KCNAB1: variants seen among roughly 807,000 people sequenced by gnomAD.
KCNAB1 encodes the protein potassium voltage-gated channel subfamily A regulatory beta subunit 1, also known as voltage-gated potassium channel subunit beta-1.
Under a neutral mutation model 64.6 loss-of-function variants are expected in KCNAB1, and 35 were observed. The observed-to-expected ratio is 0.54, with a 90% confidence interval of 0.41 to 0.72. The LOEUF (loss-of-function observed/expected upper bound fraction) is 0.72, where lower values mean the gene tolerates loss of function less well. KCNAB1 is among the 30% of genes least tolerant of loss of function. The pLI, the probability that KCNAB1 is intolerant of heterozygous loss-of-function variation, is 0.00. For missense variants in KCNAB1, 401 were observed against 512.9 expected (o/e 0.78, Z 2.11); for synonymous variants, 177 against 183.8 (o/e 0.96, Z 0.30).
At chr3:156,279,017 C>T (rs1719527523) in intron 1 of KCNAB1, among the ~76,000 whole-genome samples, 1 of 151,270 alleles carries the variant, frequency 6.6e-6, no homozygotes, top group African/African-American at 2.4e-5. Context: ...GCACATTGTG[C>T]AGGTTAGTTA....
chr3:156,148,006 G>A (rs962356324), intron 1 of KCNAB1, among the ~76,000 whole-genome samples: 1 of 146,728 alleles, frequency 6.8e-6, no homozygotes, highest in East Asian at 1.9e-4. Context: ...TGGAGATACT[G>A]CAGATCCAGC....
chr3:156,263,151 C>A (rs1412146849), intron 1 of KCNAB1, among the ~76,000 whole-genome samples: 1 of 151,546 alleles, frequency 6.6e-6, no homozygotes, highest in African/African-American at 2.4e-5. Flanking sequence ...TTCATTAATT[C>A]TTTTCTTTTA....
intron 1 of KCNAB1, among the ~76,000 whole-genome samples, chr3:156,275,176 C>T (rs1199044842): frequency 6.6e-6 from 1 of 152,142 alleles, no homozygotes; most frequent in African/African-American, 2.4e-5. Context: ...AGAAAATATT[C>T]CAATAAGTTT....
chr3:156,452,878 C>A lies in KCNAB1; in HGVS notation c.320-21C>A. On this transcript the variant is annotated intron_variant, in intron 2 of 13. Coordinates refer to ENST00000490337, the MANE Select transcript of KCNAB1 (RefSeq NM_172160.3). This position sits in a 1 kb window ranked among gnomAD's most constrained non-coding sequence, Gnocchi z 4.6. ...TAGAAAAATGATGATGAATAATATG[C>A]AAATATTTATTATTTTCTAGGAACA... 1 of 1,551,416 alleles carries A rather than the reference C, an allele frequency of 6.4e-7. No individual in the cohort carries two copies. The highest frequency in any genetic ancestry group is 8.8e-7 in the Non-Finnish European group (1 of 1,133,340).
chr3:156,175,841 C>A (rs1712332931), intron 1 of KCNAB1: 2 of 666,762 alleles, frequency 3.0e-6, no homozygotes, highest in African/African-American at 3.5e-5. Flanking sequence ...AGACAAGTAG[C>A]CTTGGAGTCT....
intron 1 of KCNAB1, among the ~76,000 whole-genome samples, chr3:156,169,275 T>G (rs748466128): frequency 2.0e-5 from 3 of 152,234 alleles, no homozygotes; most frequent in Non-Finnish European, 4.4e-5. Flanking sequence ...GGGGTTATTA[T>G]GCTGAAGACC....
intron 1 of KCNAB1, among the ~76,000 whole-genome samples, chr3:156,237,572 TG>T (rs1411942264): frequency 6.6e-6 from 1 of 152,180 alleles, no homozygotes; most frequent in Non-Finnish European, 1.5e-5. Context: ...CACAATGATT[TG>T]GGGGATTGGA....
intron 1 of KCNAB1, among the ~76,000 whole-genome samples, chr3:156,241,443 T>C (rs937983316): frequency 1.3e-5 from 2 of 152,354 alleles, no homozygotes; most frequent in African/African-American, 4.8e-5. Context: ...TCTACACAGA[T>C]GACACCCTAG....
intron 8 of KCNAB1, among the ~76,000 whole-genome samples, chr3:156,497,926 G>C (rs2108361662): frequency 6.6e-6 from 1 of 152,264 alleles, no homozygotes; most frequent in African/African-American, 2.4e-5. Context: ...TGCATGGACT[G>C]CATATTTATT....
intron 8 of KCNAB1, among the ~76,000 whole-genome samples, chr3:156,475,803 CAT>C (rs1424308729): frequency 6.6e-6 from 1 of 152,056 alleles, no homozygotes; most frequent in African/African-American, 2.4e-5. Flanking sequence ...AAATGATTGA[CAT>C]ATTATAAATT....
At chr3:156,226,775 T>C (rs563457916) in intron 1 of KCNAB1, among the ~76,000 whole-genome samples, 1 of 152,328 alleles carries the variant, frequency 6.6e-6, no homozygotes, top group South Asian at 2.1e-4. Context: ...GATCCTTTTA[T>C]TCCAGTTTCA....
At chr3:156,487,495 C>T (rs114673883) in intron 8 of KCNAB1, among the ~76,000 whole-genome samples, 203 of 152,200 alleles carry the variant, frequency 1.3e-3, no homozygotes, top group African/African-American at 4.6e-3. Context: ...AAAGGGAAAG[C>T]GTGTGTTGTG....
rs527984586 is a variant in KCNAB1 at position 156,271,304 on chromosome 3, G to A, written c.276-150312G>A. Among the ~76,000 whole-genome samples, 192 of 151,708 alleles carry A rather than the reference G, an allele frequency of 1.3e-3. 1 individual carries two copies. The highest frequency in any genetic ancestry group is 4.3e-3 in the African/African-American group (178 of 41,294). On this transcript the variant is annotated intron_variant, in intron 1 of 13. Transcript: ENST00000490337. ...CCCTATCTCTCTATCTCCTTTTTAG[G>A]GCCTATAACTCTTAAATTTGCTCTT... is the stretch of plus-strand genomic sequence containing the variant.
At chr3:156,182,340 G>C (rs547527191) in intron 1 of KCNAB1, among the ~76,000 whole-genome samples, 1 of 152,118 alleles carries the variant, frequency 6.6e-6, no homozygotes, top group Admixed American at 6.5e-5. Flanking sequence ...TCATAAAAAG[G>C]CTCATGAAAA....
intron 1 of KCNAB1, among the ~76,000 whole-genome samples, chr3:156,325,640 A>T (rs1229621656): frequency 1.3e-5 from 2 of 151,842 alleles, no homozygotes; most frequent in Non-Finnish European, 2.9e-5. Flanking sequence ...AAAGTCTGAG[A>T]TATGTATTGC....
chr3:156,314,599 C>T lies in KCNAB1; in HGVS notation c.276-107017C>T, dbSNP rs186931773. On this transcript the variant is annotated intron_variant, in intron 1 of 13. Coordinates refer to ENST00000490337, the MANE Select transcript of KCNAB1 (RefSeq NM_172160.3). ...CATGGCCCTGAGCCAAGATCTTTTA[C>T]GTCAGAAACACTAAATGCCAAATGC... Among the ~76,000 whole-genome samples, 37 of 152,348 alleles carry T rather than the reference C, an allele frequency of 2.4e-4. No homozygotes were observed. In the South Asian group the frequency reaches 5.4e-3, roughly 22 times the overall value.
intron 1 of KCNAB1, among the ~76,000 whole-genome samples, chr3:156,297,907 T>C (rs1720906885): frequency 6.6e-6 from 1 of 152,090 alleles, no homozygotes; most frequent in African/African-American, 2.4e-5. Context: ...AATATTTGAT[T>C]TTAGTCCAGA....
chr3:156,179,434 T>TCC (rs1712648865), intron 1 of KCNAB1, among the ~76,000 whole-genome samples: 2 of 96,098 alleles, frequency 2.1e-5, no homozygotes, highest in Non-Finnish European at 4.1e-5. Context: ...CCCCACCCCC[T>TCC]CACCCCCTGC....
chr3:156,135,298 G>A (rs1321778408), intron 1 of KCNAB1, among the ~76,000 whole-genome samples: 1 of 151,948 alleles, frequency 6.6e-6, no homozygotes, highest in Non-Finnish European at 1.5e-5. Flanking sequence ...CACCCAGCCT[G>A]GTTTAGCTTT....
Sources: allele counts gnomAD v4.1 joint callset (sites outside exome capture counted in the v4.1 genomes callset), GRCh38; gene constraint gnomAD v4.1.1; non-coding constraint Gnocchi (gnomAD v3.1); transcripts MANE v1.5; gene names NCBI Gene and HGNC (gene_info 2026-07-23, HGNC 2026-07-21).